ERG: variants seen among roughly 807,000 people sequenced by gnomAD.
ERG encodes transcriptional regulator ERG.
Under a neutral mutation model 55.3 loss-of-function variants are expected in ERG, and 9 were observed. The observed-to-expected ratio is 0.16, with a 90% CI of 0.10 to 0.28. The LOEUF (loss-of-function observed/expected upper bound fraction) is 0.28, where lower values mean the gene tolerates loss of function less well. ERG is among the 10% of genes least tolerant of loss of function. The pLI is 1.00. For synonymous variants in ERG, 223 were observed against 237.3 expected, an observed-to-expected ratio of 0.94 and a Z score of 0.55; for missense variants, 434 against 631.6, an observed-to-expected ratio of 0.69 and a Z score of 3.35.
chr21:38,445,995 G>C (rs987138219), intron 1 of ERG, among the ~76,000 whole-genome samples: 2 of 151,632 alleles, frequency 1.3e-5, no homozygotes, highest in Admixed American at 6.6e-5. Flanking sequence ...GGTACAGAGC[G>C]GTCATGAGGA....
intron 2 of ERG, among the ~76,000 whole-genome samples, chr21:38,554,491 A>G (rs2059845484): frequency 6.6e-6 from 1 of 152,246 alleles, no homozygotes; most frequent in Non-Finnish European, 1.5e-5. Flanking sequence ...CTACACAGCC[A>G]TAAAATAGAA....
At chr21:38,389,798 C>T (rs1167494162) in intron 9 of ERG, among the ~76,000 whole-genome samples, 1 of 152,126 alleles carries the variant, frequency 6.6e-6, no homozygotes, top group Non-Finnish European at 1.5e-5. Context: ...AATTATTGAG[C>T]ACCTAGTCTA....
At chr21:38,529,731 G>A (rs2059658533) in intron 2 of ERG, among the ~76,000 whole-genome samples, 1 of 152,110 alleles carries the variant, frequency 6.6e-6, no homozygotes, top group Non-Finnish European at 1.5e-5. Context: ...TTGGGAGGCT[G>A]AGGCAGGCCG....
intron 6 of ERG, among the ~76,000 whole-genome samples, chr21:38,395,212 T>G (rs934163497): frequency 1.3e-5 from 2 of 152,224 alleles, no homozygotes; most frequent in African/African-American, 4.8e-5. Context: ...TCACATGCTG[T>G]GGGCACTAAG....
chr21:38,603,386 C>T (rs374391477), intron 1 of ERG, among the ~76,000 whole-genome samples: 3 of 151,910 alleles, frequency 2.0e-5, no homozygotes, highest in African/African-American at 4.8e-5. Context: ...TTTGGGAGGC[C>T]GAGGTGGGCA....
chr21:38,400,488 T>G (rs774358678), intron 6 of ERG, 86 bp downstream of exon 6: 2 of 1,051,488 alleles, frequency 1.9e-6, no homozygotes, highest in Middle Eastern at 2.0e-4. Flanking sequence ...TCAGCTCTCT[T>G]TGTATCACGT....
intron 2 of ERG, among the ~76,000 whole-genome samples, chr21:38,432,593 T>C (rs1484874089): frequency 2.0e-5 from 3 of 152,222 alleles, no homozygotes; most frequent in African/African-American, 7.2e-5. Context: ...ATAATAAACA[T>C]ATGGATAAAG....
chr21:38,382,054 T>C lies in ERG; in HGVS notation c.*1349A>G. 9.4e-7 allele frequency: 1 copy of C among 1,059,468 alleles called. No individual in the cohort carries two copies. Among genetic ancestry groups the C allele is most frequent in the African/African-American group, 1.6e-5 (1 of 60,854 alleles). The allele number at this position is 1,059,468 out of a possible 1,614,324, so 65.6% of individuals were successfully genotyped here. On this transcript the variant is annotated 3_prime_UTR_variant, in exon 10 of 10. Transcript: ENST00000288319. ...CTGATTTGCCATGCTAGGCCAAGCT[T>C]ATTTTATTACATACATTCTGCATTC...
chr21:38,377,316 C>A (rs1348450906), downstream of ERG, among the ~76,000 whole-genome samples: 1 of 152,180 alleles, frequency 6.6e-6, no homozygotes, highest in African/African-American at 2.4e-5. Flanking sequence ...AGCTTAATAT[C>A]TGGAATTACT....
chr21:38,453,624 A>G (rs1371829928), intron 1 of ERG, among the ~76,000 whole-genome samples: 1 of 152,128 alleles, frequency 6.6e-6, no homozygotes, highest in Non-Finnish European at 1.5e-5. Flanking sequence ...GGCTCACTCC[A>G]GTAATCCCAG....
At chr21:38,568,220 T>A (rs1004376742) in intron 2 of ERG, among the ~76,000 whole-genome samples, 1 of 142,408 alleles carries the variant, frequency 7.0e-6, no homozygotes, top group East Asian at 2.2e-4. Flanking sequence ...GTATACAACA[T>A]TATAGATTAA....
intron 1 of ERG, among the ~76,000 whole-genome samples, chr21:38,610,927 G>T (rs1239523127): frequency 6.6e-6 from 1 of 152,162 alleles, no homozygotes; most frequent in Non-Finnish European, 1.5e-5. Context: ...GAGGAGAAAA[G>T]AAGTTTTAGA....
chr21:38,549,950 T>G (rs2059813374), intron 2 of ERG, among the ~76,000 whole-genome samples: 1 of 152,110 alleles, frequency 6.6e-6, no homozygotes, highest in South Asian at 2.1e-4. Context: ...ACGGAAAAAT[T>G]CTACCTCACA....
chr21:38,447,037 C>G (rs1424948209), intron 1 of ERG, among the ~76,000 whole-genome samples: 1 of 151,938 alleles, frequency 6.6e-6, no homozygotes, highest in Non-Finnish European at 1.5e-5. Context: ...TAGAAGCAGC[C>G]CTTCTGAGAT....
intron 2 of ERG, among the ~76,000 whole-genome samples, chr21:38,430,164 A>G (rs1990139162): frequency 6.6e-6 from 1 of 152,130 alleles, no homozygotes; most frequent in South Asian, 2.1e-4. Context: ...TTTCCCTGAT[A>G]ACAAGTGATG....
At chr21:38,420,580 T>C (rs1020954645) in intron 3 of ERG, among the ~76,000 whole-genome samples, 6 of 152,314 alleles carry the variant, frequency 3.9e-5, no homozygotes, top group African/African-American at 9.6e-5. Context: ...CAGCTAATAT[T>C]TGATGAGCAG....
chr21:38,442,803 T>G (rs2058853808), intron 2 of ERG, among the ~76,000 whole-genome samples: 2 of 152,328 alleles, frequency 1.3e-5, no homozygotes, highest in South Asian at 4.1e-4. Flanking sequence ...GCTTATTTTT[T>G]TATTTTTTAT....
chr21:38,515,648 T>C (rs1344110775), intron 2 of ERG, among the ~76,000 whole-genome samples: 1 of 151,994 alleles, frequency 6.6e-6, no homozygotes, highest in African/African-American at 2.4e-5. Context: ...ATATTCCTGA[T>C]GAACATCACT....
At chr21:38,455,933 T>C (rs1435414254) in intron 1 of ERG, among the ~76,000 whole-genome samples, 1 of 149,266 alleles carries the variant, frequency 6.7e-6, no homozygotes, top group African/African-American at 2.5e-5. Context: ...GGATGCAGGA[T>C]GGGCACTTTA....
Sources: gnomAD v4.1 joint callset for allele counts (sites outside exome capture counted in the v4.1 genomes callset) on GRCh38, gnomAD v4.1.1 for gene constraint, MANE v1.5 for transcripts, NCBI Gene and HGNC (gene_info 2026-07-23, HGNC 2026-07-21) for gene names.